PACRG: variants seen among roughly 807,000 people sequenced by gnomAD.
PACRG encodes parkin coregulated, also known as parkin coregulated gene protein.
Under a neutral mutation model 29.7 loss-of-function variants are expected in PACRG, and 29 were observed. The observed-to-expected ratio is 0.98, with a 90% CI of 0.73 to 1.33. PACRG has a LOEUF of 1.33. Ranked by LOEUF, PACRG falls within the 40% of genes most tolerant of loss-of-function variation. The pLI, the probability that PACRG is intolerant of heterozygous loss-of-function variation, is 0.00. For synonymous variants in PACRG, 116 were observed against 118.7 expected (o/e 0.98, Z 0.15); for missense variants, 279 against 316.2 (o/e 0.88, Z 0.89).
At chr6:163,172,280 C>T (rs867466341) in intron 4 of PACRG, among the ~76,000 whole-genome samples, 1 of 152,198 alleles carries the variant, frequency 6.6e-6, no homozygotes, top group African/African-American at 2.4e-5. Context: ...ACCCCCTCAA[C>T]CTAAATGAGC....
intron 4 of PACRG, among the ~76,000 whole-genome samples, chr6:163,305,719 T>C (rs1005745886): frequency 3.3e-5 from 5 of 152,232 alleles, no homozygotes; most frequent in Non-Finnish European, 7.3e-5. Flanking sequence ...TGAGTGATAC[T>C]ATTTTAAGGA....
intron 2 of PACRG, among the ~76,000 whole-genome samples, chr6:162,916,328 G>A (rs1207860150): frequency 2.0e-5 from 3 of 151,932 alleles, no homozygotes; most frequent in Non-Finnish European, 4.4e-5. Context: ...CTTTATTATT[G>A]GCTTTCAACA....
At chr6:162,819,097 T>C (rs1275741143) in intron 2 of PACRG, among the ~76,000 whole-genome samples, 1 of 152,192 alleles carries the variant, frequency 6.6e-6, no homozygotes, top group African/African-American at 2.4e-5. Context: ...TCTTGTTTTT[T>C]CTTCTTTGAC....
At chr6:163,296,808 G>A (rs1394380095) in intron 4 of PACRG, among the ~76,000 whole-genome samples, 1 of 152,146 alleles carries the variant, frequency 6.6e-6, no homozygotes, top group African/African-American at 2.4e-5. Context: ...TTTTCGATAT[G>A]AGAAAAACCA....
intron 4 of PACRG, among the ~76,000 whole-genome samples, chr6:163,262,187 G>A (rs896476742): frequency 6.6e-6 from 1 of 152,198 alleles, no homozygotes; most frequent in African/African-American, 2.4e-5. Context: ...TTTTCACACT[G>A]TCGTGTTACT....
At chr6:163,181,781 A>G (rs1779685904) in intron 4 of PACRG, among the ~76,000 whole-genome samples, 1 of 152,126 alleles carries the variant, frequency 6.6e-6, no homozygotes, top group South Asian at 2.1e-4. Flanking sequence ...ACTCACGGGG[A>G]AAAAGTCCAG....
intron 2 of PACRG, among the ~76,000 whole-genome samples, chr6:162,947,617 T>TATATATATAATCATATATATATATAATC (rs1554313369): frequency 2.6e-5 from 1 of 38,336 alleles, no homozygotes; most frequent in African/African-American, 1.1e-4. Flanking sequence ...TAATCATATA[T>TATATATATAATCATATATATATATAATC]ATATATATAT....
chr6:162,844,870 AT>A (rs1790216627), intron 2 of PACRG, among the ~76,000 whole-genome samples: 3 of 152,198 alleles, frequency 2.0e-5, no homozygotes, highest in Admixed American at 1.3e-4. Flanking sequence ...CAGTTACTCC[AT>A]CATGGCTAGA....
chr6:162,883,124 A>T (rs993885046), intron 2 of PACRG, among the ~76,000 whole-genome samples: 1 of 152,190 alleles, frequency 6.6e-6, no homozygotes, highest in Admixed American at 6.5e-5. Flanking sequence ...AATCAGAATT[A>T]AAGTCTATGT....
intron 4 of PACRG, chr6:163,095,406 A>C: frequency 7.1e-6 from 7 of 985,412 alleles, no homozygotes; most frequent in Non-Finnish European, 8.4e-6. Context: ...GCGATGTCTA[A>C]AGAAATCAGA....
intron 2 of PACRG, among the ~76,000 whole-genome samples, chr6:163,047,108 A>G (rs1026071745): frequency 6.6e-6 from 1 of 152,222 alleles, no homozygotes; most frequent in Non-Finnish European, 1.5e-5. Flanking sequence ...AAATAGGGCC[A>G]TGTTTTACAA....
intron 3 of PACRG, among the ~76,000 whole-genome samples, chr6:163,079,970 T>C (rs1454594368): frequency 7.1e-6 from 1 of 141,834 alleles, no homozygotes; most frequent in Non-Finnish European, 1.5e-5. Flanking sequence ...CGGTCTCGGC[T>C]CACTGCAACC....
At chr6:162,973,728 C>T (rs1284329838) in intron 2 of PACRG, among the ~76,000 whole-genome samples, 1 of 152,036 alleles carries the variant, frequency 6.6e-6, no homozygotes, top group Non-Finnish European at 1.5e-5. Context: ...ATAAATTGTC[C>T]TGCTTTGCAT....
chr6:163,263,682 A>G (rs1415922695), intron 4 of PACRG, among the ~76,000 whole-genome samples: 6 of 152,214 alleles, frequency 3.9e-5, no homozygotes, highest in South Asian at 2.1e-4. Context: ...TGAAAAGCCT[A>G]TTACCTAGCA....
intron 4 of PACRG, among the ~76,000 whole-genome samples, chr6:163,256,979 C>G (rs545501835): frequency 1.3e-5 from 2 of 152,144 alleles, no homozygotes; most frequent in East Asian, 1.9e-4. Flanking sequence ...TTCCTTGGCT[C>G]GTAGACACAT....
intron 2 of PACRG, among the ~76,000 whole-genome samples, chr6:162,929,075 C>T (rs558798835): frequency 1.9e-4 from 29 of 152,040 alleles, no homozygotes; most frequent in Non-Finnish European, 4.0e-4. Flanking sequence ...CTCCAATAAA[C>T]ATGACAATAC....
Position 163,197,625 on chromosome 6 carries a change from GT to G in PACRG, c.613+108222del, listed in dbSNP as rs1254086371. Among the ~76,000 whole-genome samples the G allele has an allele frequency of 2.7e-5, 4 of 150,414 alleles. No homozygotes were observed. The East Asian group carries it at 7.9e-4, about 30-fold the overall frequency. On this transcript the variant is annotated intron_variant, in intron 4 of 4. Transcript: ENST00000366888. ...CGCCCGGCTAATTTTTTTTTTTCGT[GT>G]TTTTAGTAGAGACGGGGTTTCACCG...
chr6:163,262,365 G>T (rs920981409), intron 4 of PACRG, among the ~76,000 whole-genome samples: 1 of 152,190 alleles, frequency 6.6e-6, no homozygotes, highest in African/African-American at 2.4e-5. Context: ...ACCTCATCGG[G>T]TCACTGGGAG....
intron 4 of PACRG, among the ~76,000 whole-genome samples, chr6:163,169,505 G>T (rs1368881995): frequency 6.6e-6 from 1 of 152,240 alleles, no homozygotes; most frequent in Admixed American, 6.5e-5. Flanking sequence ...GGAGCTGGAC[G>T]TGTGGTACTG....
Sources: allele counts gnomAD v4.1 joint callset (sites outside exome capture counted in the v4.1 genomes callset), GRCh38; gene constraint gnomAD v4.1.1; transcripts MANE v1.5; gene names NCBI Gene and HGNC (gene_info 2026-07-23, HGNC 2026-07-21).